Variants in RBFOX1 observed in about 807,000 individuals in gnomAD.
The protein encoded by RBFOX1 is RNA binding protein fox-1 homolog 1.
A neutral mutation model predicts 57.7 loss-of-function variants in RBFOX1; 8 were observed. The observed-to-expected ratio is 0.14, with a 90% confidence interval of 0.08 to 0.25. The LOEUF is 0.25. Among genes scored for constraint, RBFOX1 ranks in the 10% least tolerant of loss-of-function variants. RBFOX1 has a pLI of 1.00. For missense variants in RBFOX1, 611 were observed against 548.5 expected (o/e 1.11, Z -1.14); for synonymous variants, 326 against 222.4 (o/e 1.47, Z -4.15).
intron 3 of RBFOX1, among the ~76,000 whole-genome samples, chr16:5,679,900 T>A (rs1389824723): frequency 2.0e-5 from 3 of 152,206 alleles, no homozygotes; most frequent in Non-Finnish European, 2.9e-5. Flanking sequence ...TTTAGTCTGG[T>A]GCCTAGTGTT....
At chr16:7,466,864 G>C (rs1464810586) in intron 4 of RBFOX1, among the ~76,000 whole-genome samples, 1 of 152,162 alleles carries the variant, frequency 6.6e-6, no homozygotes, top group African/African-American at 2.4e-5. Flanking sequence ...AGAGCAGGAA[G>C]AGACCAAAAT....
chr16:6,707,432 A>G (rs549482498), intron 3 of RBFOX1, among the ~76,000 whole-genome samples: 309 of 150,598 alleles, frequency 2.1e-3, no homozygotes, highest in Middle Eastern at 3.4e-3. Context: ...TCCTTAAACT[A>G]CATGTGGGAA....
At chr16:6,487,735 A>G (rs1176325924) in intron 2 of RBFOX1, among the ~76,000 whole-genome samples, 2 of 58,218 alleles carry the variant, frequency 3.4e-5, no homozygotes, top group African/African-American at 5.6e-5. Context: ...ATATATATAT[A>G]TATATATATA....
chr16:6,829,798 C>G (rs781403233), intron 3 of RBFOX1, among the ~76,000 whole-genome samples: 3 of 152,198 alleles, frequency 2.0e-5, no homozygotes, highest in African/African-American at 7.2e-5. Flanking sequence ...AATAGGATTT[C>G]GCCACGTTGG....
chr16:7,183,666 A>G (rs1338920334), intron 4 of RBFOX1, among the ~76,000 whole-genome samples: 1 of 152,218 alleles, frequency 6.6e-6, no homozygotes. Context: ...ATACAGAACC[A>G]GATGATATCT....
intron 2 of RBFOX1, among the ~76,000 whole-genome samples, chr16:6,396,222 C>G (rs1363945815): frequency 6.6e-6 from 1 of 151,940 alleles, no homozygotes; most frequent in South Asian, 2.1e-4. Flanking sequence ...CCCCAACAAC[C>G]ATAAGTAGGC....
intron 4 of RBFOX1, among the ~76,000 whole-genome samples, chr16:7,392,492 A>G (rs1182854962): frequency 1.3e-5 from 2 of 152,196 alleles, no homozygotes; most frequent in African/African-American, 2.4e-5. Flanking sequence ...TTATGGTCCT[A>G]CCAAAACCAG....
chr16:7,048,140 A>G (rs1205836585), intron 3 of RBFOX1, among the ~76,000 whole-genome samples: 2 of 152,142 alleles, frequency 1.3e-5, no homozygotes, highest in Non-Finnish European at 2.9e-5. Context: ...TGGCTTCCCA[A>G]AATTCTGGGA....
chr16:5,817,574 C>T (rs952792773), intron 3 of RBFOX1, among the ~76,000 whole-genome samples: 2 of 151,864 alleles, frequency 1.3e-5, no homozygotes, highest in African/African-American at 2.4e-5. Flanking sequence ...GACACCAAGA[C>T]CCTTAGTGGG....
In RBFOX1 at chr16:6,879,384, T is replaced by G. The variant is rs899623731; in HGVS notation, c.-15-172673T>G. On this transcript the variant is annotated intron_variant, in intron 3 of 15. Coordinates refer to ENST00000550418, the MANE Select transcript of RBFOX1 (RefSeq NM_018723.4). ...ATTTCATCTCTCTCTCTGCCCTGTT[T>G]ATATTTATTGGATGCTCTGGTATGT... Among the ~76,000 whole-genome samples, 5 of 152,212 alleles carry G rather than the reference T, an allele frequency of 3.3e-5. No homozygotes were observed. The East Asian group carries it at 9.6e-4, about 29-fold the overall frequency.
intron 1 of RBFOX1, among the ~76,000 whole-genome samples, chr16:6,269,891 G>A (rs1024113956): frequency 2.6e-5 from 4 of 152,136 alleles, no homozygotes; most frequent in African/African-American, 7.2e-5. Context: ...AATACCATCT[G>A]ATGTGATTCA....
At chr16:7,417,302 G>T (rs556665061) in intron 4 of RBFOX1, among the ~76,000 whole-genome samples, 1 of 151,208 alleles carries the variant, frequency 6.6e-6, no homozygotes, top group Non-Finnish European at 1.5e-5. Flanking sequence ...GAACCTGGGA[G>T]GTGGAGGTTG....
At chr16:6,718,513 G>A (rs1249506612) in intron 3 of RBFOX1, among the ~76,000 whole-genome samples, 3 of 152,214 alleles carry the variant, frequency 2.0e-5, no homozygotes, top group Non-Finnish European at 4.4e-5. Flanking sequence ...GTTCCAAAGT[G>A]AAACCACCTT....
At chr16:7,317,293 G>T (rs1052020915) in intron 4 of RBFOX1, among the ~76,000 whole-genome samples, 1 of 152,138 alleles carries the variant, frequency 6.6e-6, no homozygotes, top group African/African-American at 2.4e-5. Context: ...TCAGACTTCG[G>T]CAGGCTTTGG....
intron 3 of RBFOX1, among the ~76,000 whole-genome samples, chr16:7,010,682 G>A (rs991097572): frequency 6.6e-6 from 1 of 152,124 alleles, no homozygotes; most frequent in Non-Finnish European, 1.5e-5. Flanking sequence ...TCCTGCCTCA[G>A]CCTACCAAGT....
At chr16:7,238,346 TA>T (rs1293771217) in intron 4 of RBFOX1, among the ~76,000 whole-genome samples, 3 of 147,166 alleles carry the variant, frequency 2.0e-5, no homozygotes, top group African/African-American at 5.1e-5. Flanking sequence ...AATAAATAAA[TA>T]AAATAAAAAT....
chr16:7,362,363 G>C (rs371473459), intron 4 of RBFOX1, among the ~76,000 whole-genome samples: 4 of 151,522 alleles, frequency 2.6e-5, no homozygotes, highest in African/African-American at 4.8e-5. Flanking sequence ...TTGTGTGTAT[G>C]CTAGTGTGTG....
intron 4 of RBFOX1, chr16:7,510,449 G>A (rs1600443871): frequency 1.3e-5 from 9 of 710,752 alleles, no homozygotes; most frequent in Non-Finnish European, 1.6e-5. Context: ...GGAAAGGAGA[G>A]GAGTTTTGGT....
chr16:5,628,546 A>G (rs1185290506), intron 3 of RBFOX1, among the ~76,000 whole-genome samples: 1 of 152,166 alleles, frequency 6.6e-6, no homozygotes, highest in Non-Finnish European at 1.5e-5. Context: ...GCTCTAGGAA[A>G]CAACTCAAAC....
Sources: gnomAD v4.1 joint callset for allele counts (sites outside exome capture counted in the v4.1 genomes callset) on GRCh38, gnomAD v4.1.1 for gene constraint, MANE v1.5 for transcripts, NCBI Gene and HGNC (gene_info 2026-07-23, HGNC 2026-07-21) for gene names.